Variants in CHCHD6 observed in about 807,000 individuals in gnomAD.
The protein encoded by CHCHD6 is MICOS complex subunit MIC25.
Under a neutral mutation model 32.3 loss-of-function variants are expected in CHCHD6, and 28 were observed. That is an observed-to-expected ratio of 0.87 (90% confidence interval 0.64 to 1.19). The LOEUF is 1.19. CHCHD6 is among the 50% of genes most tolerant of loss of function. The pLI is 0.00. For synonymous variants in CHCHD6, 122 were observed against 117.5 expected, an observed-to-expected ratio of 1.04 and a Z score of -0.25; for missense variants, 333 against 307.0, an observed-to-expected ratio of 1.08 and a Z score of -0.63.
At chr3:126,840,289 G>A (rs1367639797) in intron 4 of CHCHD6, among the ~76,000 whole-genome samples, 4 of 152,070 alleles carry the variant, frequency 2.6e-5, no homozygotes, top group Non-Finnish European at 2.9e-5. Context: ...TAGGGGTGAC[G>A]AAAATGTTCT....
chr3:126,862,337 C>T (rs1941943424), intron 5 of CHCHD6, among the ~76,000 whole-genome samples: 1 of 139,640 alleles, frequency 7.2e-6, no homozygotes, highest in Non-Finnish European at 1.6e-5. Flanking sequence ...TCCACCATCA[C>T]CTCCTCCTCC....
intron 4 of CHCHD6, among the ~76,000 whole-genome samples, chr3:126,851,500 G>C (rs1214428626): frequency 2.6e-5 from 4 of 152,224 alleles, no homozygotes; most frequent in Non-Finnish European, 5.9e-5. Flanking sequence ...GAATACCTGA[G>C]CGCACACAGC....
intron 3 of CHCHD6, among the ~76,000 whole-genome samples, chr3:126,732,280 C>G (rs1935844924): frequency 6.6e-6 from 1 of 152,148 alleles, no homozygotes; most frequent in Non-Finnish European, 1.5e-5. Context: ...TCATGTTCTT[C>G]TCCACCCAGT....
At chr3:126,744,419 G>T (rs1936409304) in intron 4 of CHCHD6, among the ~76,000 whole-genome samples, 1 of 152,202 alleles carries the variant, frequency 6.6e-6, no homozygotes, top group African/African-American at 2.4e-5. Flanking sequence ...ACAAGTGTTT[G>T]CCGGAGAAAA....
intron 4 of CHCHD6, among the ~76,000 whole-genome samples, chr3:126,764,824 G>C (rs1937300077): frequency 6.6e-6 from 1 of 152,192 alleles, no homozygotes; most frequent in Admixed American, 6.5e-5. Context: ...GGGGTGATTT[G>C]GACAAATTAG....
intron 4 of CHCHD6, among the ~76,000 whole-genome samples, chr3:126,758,622 T>G (rs1489648066): frequency 6.6e-6 from 1 of 152,232 alleles, no homozygotes; most frequent in Non-Finnish European, 1.5e-5. Flanking sequence ...ATTAAGCCAG[T>G]TATTTGCTGT....
At chr3:126,829,510 G>A (rs1272447387) in intron 4 of CHCHD6, among the ~76,000 whole-genome samples, 2 of 151,932 alleles carry the variant, frequency 1.3e-5, no homozygotes, top group Admixed American at 1.3e-4. Flanking sequence ...TGCAGGAGAT[G>A]TTATGGACTG....
At chr3:126,917,822 G>C (rs2078193291) in intron 6 of CHCHD6, among the ~76,000 whole-genome samples, 1 of 152,218 alleles carries the variant, frequency 6.6e-6, no homozygotes, top group East Asian at 1.9e-4. Context: ...ACCATGTTGA[G>C]GACACAGAGA....
At chr3:126,707,261 TAAAAAAA>T (rs74269416) in intron 1 of CHCHD6, among the ~76,000 whole-genome samples, 1 of 135,426 alleles carries the variant, frequency 7.4e-6, no homozygotes, top group Non-Finnish European at 1.6e-5. Flanking sequence ...GACTCCGTCT[TAAAAAAA>T]AAAAAAAAAA....
At chr3:126,908,601 G>C (rs1337350925) in intron 5 of CHCHD6, among the ~76,000 whole-genome samples, 3 of 152,100 alleles carry the variant, frequency 2.0e-5, no homozygotes, top group African/African-American at 7.2e-5. Flanking sequence ...GGATAGGTTA[G>C]TGAACAAAAC....
At chr3:126,949,634 G>A (rs187539350) in intron 6 of CHCHD6, 128 of 196,918 alleles carry the variant, frequency 6.5e-4, no homozygotes, top group Non-Finnish European at 1.0e-3. Flanking sequence ...GACTGCCGCC[G>A]TGGACGGAAG....
At chr3:126,755,838 A>ATGTGTGTGTG (rs58430251) in intron 4 of CHCHD6, among the ~76,000 whole-genome samples, 32 of 145,966 alleles carry the variant, frequency 2.2e-4, no homozygotes, top group African/African-American at 7.2e-4. Context: ...CTGTGTGTGC[A>ATGTGTGTGTG]TGTGTGTGTG....
chr3:126,865,637 C>A lies in CHCHD6; in HGVS notation c.495+12907C>A, dbSNP rs528873909. Reference sequence around the variant, plus strand: ...CCACCATTTTGATTGCTGCTGCCCCCTCTCCCACCGCTACTACTATTATCA... The same window carrying A: ...CCACCATTTTGATTGCTGCTGCCCCATCTCCCACCGCTACTACTATTATCA... On this transcript the variant is annotated intron_variant, in intron 5 of 7. Transcript: ENST00000290913. 4.6e-5 allele frequency: 45 copies of A among 985,284 alleles called. No homozygotes were observed. The African/African-American group carries it at 7.9e-4, about 17-fold the overall frequency. 61.0% of individuals were successfully genotyped at this position (985,284 alleles called of 1,614,324 possible). A position where few individuals can be genotyped will look rare whatever the true frequency, so the allele number is the denominator to read the frequency against.
chr3:126,756,780 A>G (rs1013490452), intron 4 of CHCHD6, among the ~76,000 whole-genome samples: 1 of 152,226 alleles, frequency 6.6e-6, no homozygotes, highest in African/African-American at 2.4e-5. Context: ...AGAACAGAAC[A>G]AAGCTCTTAC....
chr3:126,806,763 G>C (rs1309526725), intron 4 of CHCHD6, among the ~76,000 whole-genome samples: 1 of 152,010 alleles, frequency 6.6e-6, no homozygotes, highest in Non-Finnish European at 1.5e-5. Context: ...GTTTATTGCG[G>C]CACTATTCCC....
chr3:126,895,851 G>C (rs774573904), intron 5 of CHCHD6, among the ~76,000 whole-genome samples: 3 of 152,322 alleles, frequency 2.0e-5, no homozygotes, highest in Non-Finnish European at 1.5e-5. Context: ...GGCAGCAGCT[G>C]CCTGATTGCC....
Position 126,888,288 on chromosome 3 carries a change from T to G in CHCHD6, c.496-26392T>G, listed in dbSNP as rs112634726. Among the ~76,000 whole-genome samples the G allele has an allele frequency of 3.4e-3, 522 of 152,344 alleles. 3 individuals carry two copies. Among genetic ancestry groups the G allele is most frequent in the African/African-American group, 0.012 (500 of 41,586 alleles). On this transcript the variant is annotated intron_variant, in intron 5 of 7. Transcript: ENST00000290913. The stretch of plus-strand genomic sequence containing the variant: ...TTAGAGTTGGTAGAGCGAAAAGGAC[T>G]TCCATGTGGTTTAAGCTGCTGTGAC...
intron 4 of CHCHD6, among the ~76,000 whole-genome samples, chr3:126,830,602 C>T (rs1421306535): frequency 6.6e-6 from 1 of 152,222 alleles, no homozygotes; most frequent in African/African-American, 2.4e-5. Context: ...ACTTTAATTC[C>T]TCTTCATAAA....
intron 5 of CHCHD6, among the ~76,000 whole-genome samples, chr3:126,898,329 T>TA (rs1254509906): frequency 6.6e-6 from 1 of 152,226 alleles, no homozygotes; most frequent in East Asian, 1.9e-4. Context: ...TCATCAGGAA[T>TA]AGACACGGTT....
Sources: gnomAD v4.1 joint callset for allele counts (sites outside exome capture counted in the v4.1 genomes callset) on GRCh38, gnomAD v4.1.1 for gene constraint, MANE v1.5 for transcripts, NCBI Gene and HGNC (gene_info 2026-07-23, HGNC 2026-07-21) for gene names.